The following DHRS4L2 variants were observed in gnomAD, a reference collection of about 807,000 sequenced individuals.
DHRS4L2 encodes dehydrogenase/reductase 4 like 2.
DHRS4L2 carries 22 observed loss-of-function variants against 23.9 expected under a neutral mutation model. The observed-to-expected ratio is 0.92, with a 90% confidence interval of 0.66 to 1.31. The LOEUF is 1.31. DHRS4L2 is among the 40% of genes most tolerant of loss of function. DHRS4L2 has a pLI of 0.00. For synonymous variants in DHRS4L2, 141 were observed against 123.7 expected (o/e 1.14, Z -0.93); for missense variants, 385 against 303.3 (o/e 1.27, Z -2.00).
At position 23,989,194 on chromosome 14, in the gene DHRS4L2, TG is replaced by T. The variant is rs2034213872; in HGVS notation, c.128+121del. On this transcript the variant is annotated intron_variant, in intron 1 of 7. Coordinates refer to ENST00000335125, the MANE Select transcript of DHRS4L2 (RefSeq NM_198083.4). The stretch of plus-strand genomic sequence containing the variant: ...CTCACATACCGCCAAAGTCTGGCCA[TG>T]GAAAAAAAGTAGCCACGTGGTCCGC... 17 of 1,477,178 alleles carry T rather than the reference TG, an allele frequency of 1.2e-5. No individual in the cohort carries two copies. In the South Asian group the frequency reaches 2.0e-4, roughly 18 times the overall value. 91.5% of individuals were successfully genotyped at this position (1,477,178 alleles called of 1,614,324 possible). A position where few individuals can be genotyped will look rare whatever the true frequency, so the allele number is the denominator to read the frequency against.
chr14:23,981,673 TA>T (rs759646533), intron 1 of DHRS4L2, among the ~76,000 whole-genome samples: 1 of 151,600 alleles, frequency 6.6e-6, no homozygotes, highest in Non-Finnish European at 1.5e-5. Context: ...CAGCATTTAT[TA>T]ATTACTATTT....
chr14:23,972,196 T>TA (rs1338779011), intron 1 of DHRS4L2, among the ~76,000 whole-genome samples: 2 of 152,060 alleles, frequency 1.3e-5, no homozygotes, highest in African/African-American at 4.8e-5. Flanking sequence ...CGGTGAGTGT[T>TA]ACAGTTCTTA....
intron 1 of DHRS4L2, among the ~76,000 whole-genome samples, chr14:23,973,290 G>T (rs529401826): frequency 6.6e-6 from 1 of 151,894 alleles, no homozygotes; most frequent in Non-Finnish European, 1.5e-5. Context: ...GCATTGTGCC[G>T]CCAAGGCCAC....
At chr14:23,990,076 A>G (rs1031415193) in intron 1 of DHRS4L2, 106 bp from the exon 2 acceptor site, 25 of 1,534,420 alleles carry the variant, frequency 1.6e-5, no homozygotes, top group Non-Finnish European at 2.1e-5. Context: ...AGTTATATAG[A>G]GAAAGAGCCA....
Position 23,975,771 on chromosome 14 carries a change from G to A in DHRS4L2, c.-176+5439G>A, listed in dbSNP as rs182606475. Among the ~76,000 whole-genome samples, 7 of 151,608 alleles carry A rather than the reference G, an allele frequency of 4.6e-5. No homozygotes were observed. The East Asian group carries it at 1.4e-3, about 29-fold the overall frequency. ...ACAGAACAGAGGCCTCAGAAATAAT[G>A]GAACAGAACAGAAGCCTCAGAAATA... is the stretch of plus-strand genomic sequence containing the variant. On this transcript the variant is annotated intron_variant, in intron 1 of 5. Coordinates refer to the DHRS4L2 transcript ENST00000534993.
chr14:23,981,164 TAGAC>T lies in DHRS4L2; in HGVS notation c.-175-9014_-175-9011del, dbSNP rs564212417. The stretch of plus-strand genomic sequence containing the variant: ...CAGAAGCATTCCTATATGCCAATAA[TAGAC>T]AGAGAGCCAAATCATGAGTGAACTC... On this transcript the variant is annotated intron_variant, in intron 1 of 5. Transcript: ENST00000534993. Among the ~76,000 whole-genome samples, 494 of 151,238 alleles carry T rather than the reference TAGAC, an allele frequency of 3.3e-3. 10 individuals are homozygous for T. The highest frequency in any genetic ancestry group is 0.011 in the African/African-American group (452 of 41,360).
At chr14:23,999,377 A>G (rs531796989) in intron 3 of DHRS4L2, among the ~76,000 whole-genome samples, 42 of 144,600 alleles carry the variant, frequency 2.9e-4, no homozygotes, top group Admixed American at 1.6e-3. Context: ...AAAAAAAACA[A>G]TATCTGCAAA....
intron 2 of DHRS4L2, chr14:23,991,089 C>T (rs61999801): frequency 0.023 from 3,824 of 166,582 alleles, 120 homozygotes; most frequent in Middle Eastern, 0.048. Context: ...AGGGCACACA[C>T]TTTATTTCCC....
At chr14:23,980,502 GA>G (rs2034033040) in intron 1 of DHRS4L2, among the ~76,000 whole-genome samples, 1 of 140,762 alleles carries the variant, frequency 7.1e-6, no homozygotes. Flanking sequence ...CACAACAAAA[GA>G]AAGAAAATTT....
chr14:23,986,479 C>T (rs2034141614), upstream of DHRS4L2, among the ~76,000 whole-genome samples: 1 of 148,008 alleles, frequency 6.8e-6, no homozygotes, highest in South Asian at 2.2e-4. Context: ...GCACGTTGTA[C>T]ACGTGCACCC....
At chr14:23,999,325 G>A (rs1292580906) in intron 3 of DHRS4L2, among the ~76,000 whole-genome samples, 33 of 127,448 alleles carry the variant, frequency 2.6e-4, no homozygotes, top group Non-Finnish European at 4.8e-4. Flanking sequence ...ATGCAGGGTT[G>A]CCACGAAACT....
At chr14:23,990,489 T>G in intron 2 of DHRS4L2, 130 bp downstream of exon 2, 25 of 1,360,658 alleles carry the variant, frequency 1.8e-5, no homozygotes, top group Non-Finnish European at 2.3e-5. Flanking sequence ...TATACTAACG[T>G]CAGAGAATCA....
intron 2 of DHRS4L2, among the ~76,000 whole-genome samples, chr14:23,992,894 T>G (rs996603196): frequency 6.8e-6 from 1 of 146,684 alleles, no homozygotes; most frequent in Non-Finnish European, 1.5e-5. Context: ...TTTCCCAGGC[T>G]GTTTTGAACT....
At chr14:23,986,607 T>A (rs781072092), upstream of DHRS4L2, among the ~76,000 whole-genome samples, 4 of 151,314 alleles carry the variant, frequency 2.6e-5, no homozygotes, top group East Asian at 1.9e-4. Context: ...TTCACCAAGC[T>A]CCCAAGCCAC....
chr14:23,987,153 CAG>C (rs986432405), upstream of DHRS4L2: 33 of 306,224 alleles, frequency 1.1e-4, no homozygotes, highest in Non-Finnish European at 5.1e-5. Context: ...TTTGTTGAGA[CAG>C]AGTCTCCATC....
chr14:23,983,429 G>A (rs1276023758), intron 1 of DHRS4L2, among the ~76,000 whole-genome samples: 4 of 151,642 alleles, frequency 2.6e-5, no homozygotes, highest in African/African-American at 9.7e-5. Context: ...TTACACTGTT[G>A]GTGGTAGTGT....
intron 7 of DHRS4L2, among the ~76,000 whole-genome samples, chr14:24,005,342 G>A (rs897250678): frequency 6.7e-6 from 1 of 149,592 alleles, no homozygotes; most frequent in African/African-American, 2.5e-5. Context: ...CCCACCTCTA[G>A]AGCATTCTAT....
intron 2 of DHRS4L2, chr14:23,991,000 T>C (rs1230742127): frequency 1.6e-6 from 1 of 609,508 alleles, no homozygotes; most frequent in Non-Finnish European, 2.1e-6. Flanking sequence ...ATGTCATAAT[T>C]AGTAGTGGAC....
Position 24,005,886 on chromosome 14 carries a change from G to A in DHRS4L2, c.*23G>A, listed in dbSNP as rs1484761296. On this transcript the variant is annotated splice_region_variant and 3_prime_UTR_variant, in exon 8 of 8. Coordinates refer to ENST00000335125, the MANE Select transcript of DHRS4L2 (RefSeq NM_198083.4). ...CTTCCTTGCTTCCCTTATTCCCCAG[G>A]TTAGGCGAGCCAGAGGATTGTGCTG... 8.1e-6 allele frequency: 13 copies of A among 1,609,048 alleles called. 1 individual carries two copies. The South Asian group carries it at 1.2e-4, about 15-fold the overall frequency.
Sources: allele counts gnomAD v4.1 joint callset (sites outside exome capture counted in the v4.1 genomes callset), GRCh38; gene constraint gnomAD v4.1.1; transcripts MANE v1.5; gene names NCBI Gene and HGNC (gene_info 2026-07-23, HGNC 2026-07-21).